Variants in DLG2 observed in about 807,000 individuals in gnomAD.
DLG2 encodes the protein disks large homolog 2.
In DLG2, 45 loss-of-function variants were observed where a neutral mutation model predicts 132.5. The ratio of observed to expected loss-of-function variants is 0.34; its 90% CI spans 0.27 to 0.44. DLG2 has a LOEUF of 0.44. Ranked by LOEUF, DLG2 falls within the 20% of genes least tolerant of loss-of-function variation. The pLI, the probability that DLG2 is intolerant of heterozygous loss-of-function variation, is 1.00. For missense variants in DLG2, 1,045 were observed against 1,196.9 expected (o/e 0.87, Z 1.87); for synonymous variants, 424 against 419.6 (o/e 1.01, Z -0.13).
Position 85,047,194 on chromosome 11 carries a change from T to C in DLG2, c.357+64467A>G, listed in dbSNP as rs927330929. 3.3e-5 allele frequency among the ~76,000 whole-genome samples: 5 copies of C among 151,978 alleles called. No homozygotes were observed. The East Asian group carries it at 9.6e-4, about 29-fold the overall frequency. On this transcript the variant is annotated intron_variant, in intron 6 of 27. Coordinates refer to ENST00000376104, the MANE Select transcript of DLG2 (RefSeq NM_001142699.3). Reference sequence around the variant, plus strand: ...AAACAGCCTAGTGACACTAAGACTATATTTACCAAGTGCTTGCTGTTCCTA... The same window carrying C: ...AAACAGCCTAGTGACACTAAGACTACATTTACCAAGTGCTTGCTGTTCCTA...
chr11:85,158,912 A>G (rs910489162), intron 4 of DLG2, among the ~76,000 whole-genome samples: 1 of 152,204 alleles, frequency 6.6e-6, no homozygotes, highest in African/African-American at 2.4e-5. Context: ...GAATTATAAA[A>G]ACAGAATCAT....
At chr11:84,334,107 C>CT (rs1328662929) in intron 7 of DLG2, among the ~76,000 whole-genome samples, 1 of 152,136 alleles carries the variant, frequency 6.6e-6, no homozygotes, top group Non-Finnish European at 1.5e-5. Flanking sequence ...ACTCTAAGAC[C>CT]TTCATTAAAT....
chr11:84,706,423 T>A (rs1040040225), intron 6 of DLG2, among the ~76,000 whole-genome samples: 16 of 151,796 alleles, frequency 1.1e-4, no homozygotes, highest in Admixed American at 3.3e-4. Context: ...AGACATACTG[T>A]ATAAATGATC....
chr11:83,833,185 C>G (rs2055055935), intron 17 of DLG2, among the ~76,000 whole-genome samples: 1 of 152,274 alleles, frequency 6.6e-6, no homozygotes, highest in Admixed American at 6.5e-5. Flanking sequence ...TGCCTGTAAT[C>G]CCAGCACTTT....
At chr11:84,889,153 C>T (rs1223696670) in intron 6 of DLG2, among the ~76,000 whole-genome samples, 3 of 152,116 alleles carry the variant, frequency 2.0e-5, no homozygotes, top group South Asian at 2.1e-4. Flanking sequence ...ATGGAGTCTA[C>T]CATGGCTTAT....
At chr11:84,086,490 T>C (rs1443345272) in intron 10 of DLG2, among the ~76,000 whole-genome samples, 1 of 105,482 alleles carries the variant, frequency 9.5e-6, no homozygotes, top group South Asian at 3.6e-4. Flanking sequence ...TTTCTTTCTT[T>C]CTTTTTTTTT....
intron 3 of DLG2, among the ~76,000 whole-genome samples, chr11:85,333,963 G>A (rs485890): frequency 0.75 from 113,736 of 151,876 alleles, 43,435 homozygotes; most frequent in Middle Eastern, 0.85. Flanking sequence ...AGTTAGAGAG[G>A]AGTCCTCCTT....
intron 7 of DLG2, among the ~76,000 whole-genome samples, chr11:84,369,592 G>A (rs931789650): frequency 6.6e-6 from 1 of 152,060 alleles, no homozygotes; most frequent in Non-Finnish European, 1.5e-5. Context: ...TAACTGTTTT[G>A]TTGAAAGTTG....
chr11:85,135,875 G>A (rs1004945817), intron 5 of DLG2, among the ~76,000 whole-genome samples: 2 of 152,070 alleles, frequency 1.3e-5, no homozygotes, highest in African/African-American at 2.4e-5. Flanking sequence ...CTATAATACC[G>A]TACAGAAAGC....
chr11:85,082,549 C>T (rs1459381508), intron 6 of DLG2, among the ~76,000 whole-genome samples: 1 of 151,876 alleles, frequency 6.6e-6, no homozygotes, highest in Non-Finnish European at 1.5e-5. Flanking sequence ...GTAAGTTGCA[C>T]CTTTATATGA....
chr11:83,916,055 G>A (rs952653872), intron 15 of DLG2, among the ~76,000 whole-genome samples: 4 of 152,066 alleles, frequency 2.6e-5, no homozygotes, highest in Non-Finnish European at 4.4e-5. Context: ...TTACCCATGC[G>A]TAACACGTAT....
chr11:84,077,024 A>G (rs188761507), intron 10 of DLG2, among the ~76,000 whole-genome samples: 6 of 152,242 alleles, frequency 3.9e-5, no homozygotes, highest in Admixed American at 3.3e-4. Context: ...ATCTCACCAG[A>G]TCATTTAATC....
chr11:83,985,935 T>C lies in DLG2; in HGVS notation c.920-5293A>G, dbSNP rs891203533. 2.0e-5 allele frequency among the ~76,000 whole-genome samples: 3 copies of C among 152,154 alleles called. No homozygotes were observed. The East Asian group carries it at 5.8e-4, about 29-fold the overall frequency. On this transcript the variant is annotated intron_variant, in intron 11 of 27. Coordinates refer to ENST00000376104, the MANE Select transcript of DLG2 (RefSeq NM_001142699.3). ...GTCTTTGAGGAATTGCCACACTCTC[T>C]TCCACAATGATTGAACAAATTTATA... is the stretch of plus-strand genomic sequence containing the variant.
chr11:84,560,936 C>T (rs2099427535), intron 6 of DLG2, among the ~76,000 whole-genome samples: 1 of 152,074 alleles, frequency 6.6e-6, no homozygotes, highest in Non-Finnish European at 1.5e-5. Flanking sequence ...CTGTCATCAG[C>T]TAGGCACTTT....
At chr11:85,420,085 C>T (rs2090170953) in intron 3 of DLG2, among the ~76,000 whole-genome samples, 1 of 152,124 alleles carries the variant, frequency 6.6e-6, no homozygotes, top group Non-Finnish European at 1.5e-5. Context: ...TACCTTTGGT[C>T]TTTGGTTGGT....
At chr11:84,621,515 T>C (rs933468785) in intron 6 of DLG2, among the ~76,000 whole-genome samples, 3 of 152,180 alleles carry the variant, frequency 2.0e-5, no homozygotes, top group Non-Finnish European at 4.4e-5. Flanking sequence ...GTACGCCTCA[T>C]TTGTTCACTC....
intron 18 of DLG2, among the ~76,000 whole-genome samples, chr11:83,722,040 C>T (rs746171279): frequency 6.6e-6 from 1 of 152,126 alleles, no homozygotes; most frequent in Non-Finnish European, 1.5e-5. Context: ...AAGGCAAGTA[C>T]TATTCCAACT....
At chr11:84,340,118 A>G (rs939822675) in intron 7 of DLG2, among the ~76,000 whole-genome samples, 9 of 152,192 alleles carry the variant, frequency 5.9e-5, no homozygotes, top group Non-Finnish European at 1.5e-5. Flanking sequence ...TTTGCAGGAG[A>G]GTCTGGTTTA....
chr11:84,674,290 T>C (rs187792582), intron 6 of DLG2, among the ~76,000 whole-genome samples: 6 of 152,242 alleles, frequency 3.9e-5, no homozygotes, highest in African/African-American at 1.4e-4. Flanking sequence ...TCTACTTGAT[T>C]AAAAATCTCA....
Sources: allele counts gnomAD v4.1 joint callset (sites outside exome capture counted in the v4.1 genomes callset), GRCh38; gene constraint gnomAD v4.1.1; transcripts MANE v1.5; gene names NCBI Gene and HGNC (gene_info 2026-07-23, HGNC 2026-07-21).